NXPE2: variants seen among roughly 807,000 people sequenced by gnomAD.
NXPE2 encodes the protein neurexophilin and PC-esterase domain family member 2.
In NXPE2, 34 loss-of-function variants were observed where a neutral mutation model predicts 34.4. The observed-to-expected ratio is 0.99, with a 90% confidence interval of 0.75 to 1.31. The LOEUF (loss-of-function observed/expected upper bound fraction) is 1.31. Among genes scored for constraint, NXPE2 ranks in the 40% most tolerant of loss-of-function variants. NXPE2 has a pLI of 0.00. For missense variants in NXPE2, 649 were observed against 672.5 expected, an observed-to-expected ratio of 0.97 and a Z score of 0.39; for synonymous variants, 235 against 231.3, an observed-to-expected ratio of 1.02 and a Z score of -0.15.
upstream of NXPE2, among the ~76,000 whole-genome samples, chr11:114,677,309 G>T (rs1416259269): frequency 1.3e-5 from 2 of 152,074 alleles, no homozygotes; most frequent in African/African-American, 4.8e-5. Flanking sequence ...CATGTTAGGT[G>T]ATGGATATGT....
At chr11:114,544,931 G>T in the NXPE2 span, among the ~76,000 whole-genome samples, 1 of 152,082 alleles carries the variant, frequency 6.6e-6, no homozygotes, top group Admixed American at 6.5e-5. Flanking sequence ...CACCAAAGAA[G>T]AGACACGCAT....
At chr11:114,504,513 G>A in the NXPE2 span, among the ~76,000 whole-genome samples, 17 of 152,192 alleles carry the variant, frequency 1.1e-4, no homozygotes, top group African/African-American at 3.9e-4. Flanking sequence ...GCACTATGCT[G>A]TTGCTGCCAC....
At chr11:114,683,415 T>C (rs1950982072) in intron 2 of NXPE2, among the ~76,000 whole-genome samples, 1 of 131,062 alleles carries the variant, frequency 7.6e-6, no homozygotes, top group African/African-American at 2.9e-5. Flanking sequence ...GTAACCTTTA[T>C]AGAGTCAAAG....
chr11:114,799,306 A>G, the NXPE2 span, among the ~76,000 whole-genome samples: 3 of 151,448 alleles, frequency 2.0e-5, no homozygotes, highest in East Asian at 1.9e-4. Context: ...AAAAAAAAAA[A>G]AAAAAAAAAT....
At chr11:114,657,171 G>T in the NXPE2 span, among the ~76,000 whole-genome samples, 1 of 152,182 alleles carries the variant, frequency 6.6e-6, no homozygotes, top group Admixed American at 6.5e-5. Context: ...CAATTTTTCA[G>T]ATGCTAGGAC....
chr11:114,781,939 G>A, the NXPE2 span, among the ~76,000 whole-genome samples: 1 of 152,202 alleles, frequency 6.6e-6, no homozygotes, highest in Admixed American at 6.5e-5. Context: ...AAGTGGCCCT[G>A]CTGAACTGAA....
At chr11:114,621,715 A>G in the NXPE2 span, among the ~76,000 whole-genome samples, 1 of 152,128 alleles carries the variant, frequency 6.6e-6, no homozygotes, top group Non-Finnish European at 1.5e-5. Context: ...AGTGGATCAT[A>G]ATGATTGCCC....
At chr11:114,697,999 C>A in intron 2 of NXPE2, 46 bp from the exon 3 acceptor site, 3 of 1,420,128 alleles carry the variant, frequency 2.1e-6, no homozygotes, top group South Asian at 1.6e-5. Flanking sequence ...AAAAGCAAGC[C>A]CTATTGTTTG....
At chr11:114,499,535 G>C in the NXPE2 span, among the ~76,000 whole-genome samples, 1 of 152,122 alleles carries the variant, frequency 6.6e-6, no homozygotes, top group Non-Finnish European at 1.5e-5. Flanking sequence ...TTAATAGCCT[G>C]TAACTGCATT....
chr11:114,617,592 G>A, the NXPE2 span, among the ~76,000 whole-genome samples: 6 of 151,896 alleles, frequency 4.0e-5, no homozygotes, highest in East Asian at 3.9e-4. Context: ...GGTGTTACCC[G>A]GTGCATAATA....
chr11:114,654,070 T>C, the NXPE2 span, among the ~76,000 whole-genome samples: 3 of 152,016 alleles, frequency 2.0e-5, no homozygotes, highest in African/African-American at 7.2e-5. Context: ...TGATACAAAG[T>C]GGTGAAGGTA....
chr11:114,597,510 A>G, the NXPE2 span, among the ~76,000 whole-genome samples: 1 of 152,212 alleles, frequency 6.6e-6, no homozygotes. Context: ...TGATGGATAA[A>G]TATGCATTTT....
chr11:114,809,296 C>T, the NXPE2 span, among the ~76,000 whole-genome samples: 56 of 152,020 alleles, frequency 3.7e-4, 1 homozygote, highest in African/African-American at 1.1e-3. Flanking sequence ...GACAGGGATG[C>T]CCTCTCTCAC....
At chr11:114,464,638 A>G in the NXPE2 span, among the ~76,000 whole-genome samples, 1 of 152,172 alleles carries the variant, frequency 6.6e-6, no homozygotes, top group African/African-American at 2.4e-5. Flanking sequence ...TATGAGATAC[A>G]TAGATAGGAA....
Position 114,684,376 on chromosome 11 carries a change from G to A in NXPE2, c.132+4614G>A, listed in dbSNP as rs142898378. On this transcript the variant is annotated intron_variant, in intron 2 of 5. Transcript: ENST00000389586. ...TGGGAGGCAGAGCTTGCAGTGAGCC[G>A]AGATCACACCACTGCACTCCAGCAT... 6.7e-3 allele frequency among the ~76,000 whole-genome samples: 1,008 copies of A among 151,068 alleles called. 8 individuals are homozygous for A. Among genetic ancestry groups the A allele is most frequent in the African/African-American group, 0.024 (982 of 41,096 alleles).
At chr11:114,506,429 A>G in the NXPE2 span, among the ~76,000 whole-genome samples, 1 of 152,372 alleles carries the variant, frequency 6.6e-6, no homozygotes, top group East Asian at 1.9e-4. Flanking sequence ...CAGAATATAT[A>G]TTATTTTCAT....
chr11:114,771,389 C>T, the NXPE2 span, among the ~76,000 whole-genome samples: 2 of 149,472 alleles, frequency 1.3e-5, no homozygotes, highest in Admixed American at 6.7e-5. Context: ...TAGATAAAGG[C>T]GACTTGTCAA....
chr11:114,580,246 A>T, the NXPE2 span: 1 of 1,613,988 alleles, frequency 6.2e-7, no homozygotes, highest in Non-Finnish European at 8.5e-7. Context: ...AAACTACAGG[A>T]GACAGGATTC....
At chr11:114,811,415 G>A in the NXPE2 span, among the ~76,000 whole-genome samples, 1 of 150,154 alleles carries the variant, frequency 6.7e-6, no homozygotes, top group Admixed American at 6.6e-5. Context: ...GGTAGGGATA[G>A]GGGGTGTCTC....
Sources: allele counts gnomAD v4.1 joint callset (sites outside exome capture counted in the v4.1 genomes callset), GRCh38; gene constraint gnomAD v4.1.1; transcripts MANE v1.5; gene names NCBI Gene and HGNC (gene_info 2026-07-23, HGNC 2026-07-21).